FAT3: variants seen among roughly 807,000 people sequenced by gnomAD.
FAT3 encodes the protein protocadherin Fat 3.
FAT3 carries 95 observed loss-of-function variants against 310.2 expected under a neutral mutation model. The observed-to-expected ratio is 0.31, with a 90% CI of 0.26 to 0.36. FAT3 has a LOEUF of 0.36. Ranked by LOEUF, FAT3 falls within the 10% of genes least tolerant of loss-of-function variation. FAT3 has a pLI of 1.00. For synonymous variants in FAT3, 2,314 were observed against 2,192.9 expected, an observed-to-expected ratio of 1.06 and a Z score of -1.54; for missense variants, 5,408 against 5,715.6, an observed-to-expected ratio of 0.95 and a Z score of 1.74.
chr11:92,311,076 A>G (rs1404874412), intron 1 of FAT3, among the ~76,000 whole-genome samples: 1 of 151,698 alleles, frequency 6.6e-6, no homozygotes, highest in African/African-American at 2.4e-5. Context: ...GTACATATAC[A>G]CACACACATA....
intron 2 of FAT3, among the ~76,000 whole-genome samples, chr11:92,443,942 A>C (rs1951145375): frequency 6.6e-6 from 1 of 152,128 alleles, no homozygotes; most frequent in Admixed American, 6.6e-5. Context: ...AACTTAAAAC[A>C]CCCCAGTGGG....
Position 92,806,526 on chromosome 11 carries a change from A to G in FAT3, c.9247+11A>G. The G allele has an allele frequency of 6.5e-7, 1 of 1,537,098 alleles. No homozygotes were observed. The highest frequency in any genetic ancestry group is 8.8e-7 in the Non-Finnish European group (1 of 1,138,570). ...TAGATCCAGAAAGTGGTAAGCTAAA[A>G]TTTATTATTGAGATAAATGTCATTG... On this transcript the variant is annotated intron_variant, in intron 12 of 27. Coordinates refer to ENST00000525166, the MANE Select transcript of FAT3 (RefSeq NM_001367949.2).
At chr11:92,521,268 TAGTGACC>T (rs1283287264) in intron 2 of FAT3, among the ~76,000 whole-genome samples, 1 of 152,144 alleles carries the variant, frequency 6.6e-6, no homozygotes, top group Non-Finnish European at 1.5e-5. Context: ...GTTCTCTTTT[TAGTGACC>T]TTACTTTGAT....
chr11:92,514,164 T>A (rs1044219199), intron 2 of FAT3, among the ~76,000 whole-genome samples: 1 of 152,182 alleles, frequency 6.6e-6, no homozygotes, highest in Admixed American at 6.5e-5. Flanking sequence ...TGGAATTAAA[T>A]AATTAAAGTT....
At chr11:92,435,645 G>A (rs1469797949) in intron 2 of FAT3, among the ~76,000 whole-genome samples, 4 of 147,778 alleles carry the variant, frequency 2.7e-5, no homozygotes, top group African/African-American at 7.5e-5. Context: ...GGCTCATTGC[G>A]ACCTCTGCCC....
chr11:92,554,170 T>C (rs1954924279), intron 3 of FAT3, among the ~76,000 whole-genome samples: 1 of 151,020 alleles, frequency 6.6e-6, no homozygotes, highest in African/African-American at 2.4e-5. Flanking sequence ...AGAAAGAAAA[T>C]GAATGGAGGA....
chr11:92,468,280 A>T (rs2135138748), intron 2 of FAT3, among the ~76,000 whole-genome samples: 1 of 152,328 alleles, frequency 6.6e-6, no homozygotes, highest in East Asian at 1.9e-4. Flanking sequence ...GCATCTTGTT[A>T]TAAGAATTTG....
At chr11:92,777,312 T>G (rs1464796945) in intron 7 of FAT3, among the ~76,000 whole-genome samples, 2 of 152,214 alleles carry the variant, frequency 1.3e-5, no homozygotes, top group African/African-American at 2.4e-5. Context: ...AGATCCTCAG[T>G]GATTCTGTAT....
intron 2 of FAT3, among the ~76,000 whole-genome samples, chr11:92,415,746 G>A (rs1950394090): frequency 6.6e-6 from 1 of 151,762 alleles, no homozygotes; most frequent in Admixed American, 6.6e-5. Flanking sequence ...TGCAAATGGG[G>A]ACCTGAAATG....
rs773636509 is a variant in FAT3 at position 92,801,799 on chromosome 11, A to G, written c.8786A>G (p.Tyr2929Cys). The change falls in exon 10 of 28, where the codon TAC (tyrosine) becomes TGC (cysteine). Residue 2929 changes from tyrosine to cysteine, a missense_variant. Coordinates refer to ENST00000525166, the MANE Select transcript of FAT3 (RefSeq NM_001367949.2). ...GCACCAGTCTTCGCGCAGGAAGTGTACCGAGGGAATGTGAAGGAGAGCGAC... is the reference window on the plus strand; with the variant it reads ...GCACCAGTCTTCGCGCAGGAAGTGTGCCGAGGGAATGTGAAGGAGAGCGAC... ...DNAPVFAQEVYRGNVKESDPP... is the reference protein window; with the variant it reads ...DNAPVFAQEVCRGNVKESDPP... 6.2e-7 allele frequency: 1 copy of G among 1,613,898 alleles called. No homozygotes were observed. The highest frequency in any genetic ancestry group is 2.2e-5 in the East Asian group (1 of 44,872).
chr11:92,836,803 C>A, intron 16 of FAT3, 100 bp downstream of exon 16: 4 of 1,374,304 alleles, frequency 2.9e-6, no homozygotes, highest in Non-Finnish European at 4.0e-6. Flanking sequence ...GTTCTCCATT[C>A]TAAGTAATGA....
At position 92,840,995 on chromosome 11, in the gene FAT3, A is replaced by G. The variant is rs186721904; in HGVS notation, c.10566+236A>G. Among the ~76,000 whole-genome samples, 61 of 152,322 alleles carry G rather than the reference A, an allele frequency of 4.0e-4. 2 individuals are homozygous for G. The highest frequency in any genetic ancestry group is 1.4e-3 in the Admixed American group (22 of 15,306). ...TTCAGGAAGGACATTCCTGTAGAGT[A>G]TGCCCAACAGATGGTCACTGGGCTT... On this transcript the variant is annotated intron_variant, in intron 18 of 27. Transcript: ENST00000525166.
intron 1 of FAT3, among the ~76,000 whole-genome samples, chr11:92,301,610 T>A (rs1416910159): frequency 6.6e-6 from 1 of 152,154 alleles, no homozygotes; most frequent in Non-Finnish European, 1.5e-5. Context: ...AGCACCACTC[T>A]TTATTGGGGA....
At chr11:92,395,779 A>G (rs1949855089) in intron 2 of FAT3, among the ~76,000 whole-genome samples, 1 of 151,966 alleles carries the variant, frequency 6.6e-6, no homozygotes, top group Non-Finnish European at 1.5e-5. Flanking sequence ...GGGTTTCACC[A>G]TGTTGGCCAG....
At chr11:92,475,643 GA>G in intron 2 of FAT3, among the ~76,000 whole-genome samples, 1 of 151,312 alleles carries the variant, frequency 6.6e-6, no homozygotes, top group South Asian at 2.1e-4. Context: ...AGGAAGACTG[GA>G]AAAAAAAGAA....
At chr11:92,843,390 A>G (rs576304735) in intron 18 of FAT3, among the ~76,000 whole-genome samples, 1 of 152,352 alleles carries the variant, frequency 6.6e-6, no homozygotes, top group East Asian at 1.9e-4. Flanking sequence ...TACACATGGA[A>G]GGAAGAGAAA....
At chr11:92,887,717 A>G (rs1416690168) in intron 25 of FAT3, among the ~76,000 whole-genome samples, 2 of 152,016 alleles carry the variant, frequency 1.3e-5, no homozygotes, top group Non-Finnish European at 2.9e-5. Context: ...TGCTACCTCT[A>G]CCTCTTGTGA....
chr11:92,422,592 AG>A (rs1950554065), intron 2 of FAT3, among the ~76,000 whole-genome samples: 1 of 152,148 alleles, frequency 6.6e-6, no homozygotes, highest in Non-Finnish European at 1.5e-5. Context: ...GTTCTTTCAA[AG>A]GAGGTGAGTG....
intron 2 of FAT3, among the ~76,000 whole-genome samples, chr11:92,447,782 G>A (rs1247335868): frequency 6.6e-6 from 1 of 152,116 alleles, no homozygotes; most frequent in East Asian, 1.9e-4. Context: ...GGAACGAGAA[G>A]AACCAGAATG....
Sources: allele counts gnomAD v4.1 joint callset (sites outside exome capture counted in the v4.1 genomes callset), GRCh38; gene constraint gnomAD v4.1.1; transcripts MANE v1.5; gene names NCBI Gene and HGNC (gene_info 2026-07-23, HGNC 2026-07-21).